The following FANK1 variants were observed in gnomAD, a reference collection of about 807,000 sequenced individuals.
FANK1 encodes fibronectin type 3 and ankyrin repeat domains protein 1.
A neutral mutation model predicts 45.3 loss-of-function variants in FANK1; 44 were observed. The observed-to-expected ratio is 0.97, with a 90% CI of 0.76 to 1.25. The LOEUF (loss-of-function observed/expected upper bound fraction) is 1.25. FANK1 is among the 50% of genes most tolerant of loss of function. The probability of loss-of-function intolerance (pLI) is 0.00; values close to 1 mark genes in which losing one functional copy is unlikely to be tolerated. For missense variants in FANK1, 391 were observed against 424.4 expected (o/e 0.92, Z 0.69); for synonymous variants, 149 against 152.5 (o/e 0.98, Z 0.17).
intron 1 of FANK1, among the ~76,000 whole-genome samples, chr10:125,954,637 G>A (rs1416859150): frequency 2.6e-5 from 4 of 152,070 alleles, no homozygotes; most frequent in African/African-American, 4.8e-5. Context: ...ATAGAGAAAG[G>A]GGTCAGGTGC....
chr10:125,961,502 G>C (rs1253015659), intron 1 of FANK1, among the ~76,000 whole-genome samples: 1 of 152,108 alleles, frequency 6.6e-6, no homozygotes, highest in Non-Finnish European at 1.5e-5. Flanking sequence ...GATATCCATA[G>C]GCAGAAGAAT....
chr10:125,937,729 A>G (rs1321064843), intron 1 of FANK1, among the ~76,000 whole-genome samples: 3 of 152,184 alleles, frequency 2.0e-5, no homozygotes, highest in South Asian at 2.1e-4. Context: ...GCATATGTAT[A>G]TTTATAGTAT....
At position 126,009,407 on chromosome 10, in the gene FANK1, A is replaced by G; in HGVS notation, c.1007A>G (p.Lys336Arg). The G allele has an allele frequency of 1.2e-6, 2 of 1,614,154 alleles. No homozygotes were observed. The highest frequency in any genetic ancestry group is 1.7e-6 in the Non-Finnish European group (2 of 1,180,026). The change falls in exon 11 of 11, where the codon AAG (lysine) becomes AGG (arginine). Residue 336 changes from lysine to arginine, a missense_variant. By Grantham distance (26) the Lys-to-Arg change is conservative. Coordinates refer to ENST00000368693, the MANE Select transcript of FANK1 (RefSeq NM_145235.5). ...TCCTTATTAGAAGAAAGGAAAAAAA[A>G]GCAGAGGCCAAAGAAGTCTTGTGTC... ...VVSLLEERKK[K>R]QRPKKSCVC
At chr10:125,945,405 A>C (rs568980444) in intron 1 of FANK1, among the ~76,000 whole-genome samples, 104 of 152,336 alleles carry the variant, frequency 6.8e-4, no homozygotes, top group African/African-American at 2.3e-3. Context: ...CACCGTGCGC[A>C]AGCCGAAGCA....
chr10:125,989,742 T>C (rs2134211844), intron 3 of FANK1, among the ~76,000 whole-genome samples: 1 of 152,302 alleles, frequency 6.6e-6, no homozygotes, highest in African/African-American at 2.4e-5. Flanking sequence ...TGCTGTAACA[T>C]GGAAGGTACT....
intron 1 of FANK1, among the ~76,000 whole-genome samples, chr10:125,901,204 C>T (rs1945007195): frequency 6.6e-6 from 1 of 152,192 alleles, no homozygotes; most frequent in Non-Finnish European, 1.5e-5. Context: ...ACCTGTTTCT[C>T]CACTAGTCTT....
At chr10:125,949,385 A>C (rs1949043095) in intron 1 of FANK1, among the ~76,000 whole-genome samples, 2 of 152,170 alleles carry the variant, frequency 1.3e-5, no homozygotes, top group African/African-American at 2.4e-5. Flanking sequence ...GTCTCAGCCC[A>C]AAATCTCCTT....
At chr10:125,951,771 A>G (rs1949249184) in intron 1 of FANK1, among the ~76,000 whole-genome samples, 1 of 152,156 alleles carries the variant, frequency 6.6e-6, no homozygotes, top group African/African-American at 2.4e-5. Context: ...TTCCACTAAG[A>G]TACCTTCCGT....
intron 1 of FANK1, among the ~76,000 whole-genome samples, chr10:125,940,763 G>GCCTGCGGCTTT (rs1267821768): frequency 1.3e-5 from 2 of 152,202 alleles, no homozygotes; most frequent in African/African-American, 4.8e-5. Context: ...GCTTTCTTGG[G>GCCTGCGGCTTT]CAGAGGTACC....
At chr10:125,988,744 A>G (rs1564950104) in intron 3 of FANK1, 69 bp downstream of exon 3, 9 of 1,611,748 alleles carry the variant, frequency 5.6e-6, no homozygotes, top group Non-Finnish European at 7.6e-6. Context: ...TTTAGAAAAA[A>G]TATTCTGCCT....
intron 6 of FANK1, among the ~76,000 whole-genome samples, chr10:125,997,803 C>G (rs549166538): frequency 6.6e-6 from 1 of 152,262 alleles, no homozygotes; most frequent in Non-Finnish European, 1.5e-5. Context: ...CCGCGCTGGG[C>G]GTGGGTGCAA....
intron 2 of FANK1, among the ~76,000 whole-genome samples, chr10:125,981,280 G>C (rs1951192584): frequency 6.6e-6 from 1 of 152,062 alleles, no homozygotes; most frequent in South Asian, 2.1e-4. Context: ...GGCTGAAGTG[G>C]GCAGATCCCT....
chr10:125,971,896 G>A (rs927879651), intron 1 of FANK1, among the ~76,000 whole-genome samples: 4 of 152,096 alleles, frequency 2.6e-5, no homozygotes, highest in African/African-American at 9.7e-5. Flanking sequence ...TAAAGTGCTG[G>A]GATTACAGGT....
intron 1 of FANK1, among the ~76,000 whole-genome samples, chr10:125,936,525 C>T (rs1277751067): frequency 1.3e-5 from 2 of 151,698 alleles, no homozygotes; most frequent in African/African-American, 4.8e-5. Flanking sequence ...CCAAGGAAAC[C>T]ACAGCCCTGA....
chr10:125,950,410 T>A (rs28755005), intron 1 of FANK1, among the ~76,000 whole-genome samples: 55,029 of 142,492 alleles, frequency 0.39, 10,891 homozygotes, highest in Non-Finnish European at 0.43. Context: ...GAACTCAAAC[T>A]AATTTACAAG....
At chr10:126,004,160 T>TAAAAAA (rs3067291) in intron 6 of FANK1, 1 of 132,262 alleles carries the variant, frequency 7.6e-6, no homozygotes, top group African/African-American at 2.9e-5. Context: ...ATTTTATCCT[T>TAAAAAA]AAAAAAAAAA....
At chr10:125,896,835 C>G (rs1393583390) in intron 1 of FANK1, among the ~76,000 whole-genome samples, 180 bp downstream of exon 1, 1 of 152,300 alleles carries the variant, frequency 6.6e-6, no homozygotes. Context: ...CTACATCCTG[C>G]CAAGTCTGTA....
chr10:125,950,920 A>G (rs988094317), intron 1 of FANK1, among the ~76,000 whole-genome samples: 1 of 151,312 alleles, frequency 6.6e-6, no homozygotes, highest in Non-Finnish European at 1.5e-5. Flanking sequence ...GCCATAAAAA[A>G]TGATGAGTTC....
intron 1 of FANK1, among the ~76,000 whole-genome samples, chr10:125,910,658 T>G (rs1226975427): frequency 1.3e-5 from 2 of 152,264 alleles, no homozygotes; most frequent in Non-Finnish European, 2.9e-5. Flanking sequence ...TTGTATGAAT[T>G]TATCATAATT....
Sources: gnomAD v4.1 joint callset for allele counts (sites outside exome capture counted in the v4.1 genomes callset) on GRCh38, gnomAD v4.1.1 for gene constraint, MANE v1.5 for transcripts, NCBI Gene and HGNC (gene_info 2026-07-23, HGNC 2026-07-21) for gene names.